The following LRRFIP2 variants were observed in gnomAD, a reference collection of about 807,000 sequenced individuals.
The protein encoded by LRRFIP2 is leucine-rich repeat flightless-interacting protein 2.
Under a neutral mutation model 125.9 loss-of-function variants are expected in LRRFIP2, and 109 were observed. That is an observed-to-expected ratio of 0.87 (90% CI 0.74 to 1.01). The LOEUF (loss-of-function observed/expected upper bound fraction) is 1.01. LRRFIP2 is among the 50% of genes least tolerant of loss of function. LRRFIP2 has a pLI of 0.00. For synonymous variants in LRRFIP2, 291 were observed against 293.1 expected (o/e 0.99, Z 0.07); for missense variants, 850 against 862.3 (o/e 0.99, Z 0.18).
chr3:37,110,206 TCAAAA>T (rs1379630548), intron 9 of LRRFIP2, among the ~76,000 whole-genome samples: 1 of 152,186 alleles, frequency 6.6e-6, no homozygotes, highest in Non-Finnish European at 1.5e-5. Context: ...AACCTGTTCT[TCAAAA>T]CAAGCCATGG....
At chr3:37,054,282 C>T (rs1319018248) in intron 27 of LRRFIP2, 129 bp downstream of exon 27, 164 of 726,938 alleles carry the variant, frequency 2.3e-4, no homozygotes, top group East Asian at 2.6e-5. Context: ...CAAAAACCAA[C>T]ACAAATTAGT....
rs113012823 is a variant in LRRFIP2, at chr3:37,123,170, TTTGTTGTTG to T, written c.229-1488_229-1480del. 3.2e-3 allele frequency among the ~76,000 whole-genome samples: 490 copies of T among 151,034 alleles called. 3 individuals are homozygous for T. Among genetic ancestry groups the T allele is most frequent in the African/African-American group, 0.011 (436 of 40,662 alleles). On this transcript the variant is annotated intron_variant, in intron 4 of 27. Transcript: ENST00000336686. ...TTTAGGAATTCGTCACTGATTTACA[TTTGTTGTTG>T]TTGTTGTTGTTGTTGTTGTTGTTTT... is the stretch of plus-strand genomic sequence containing the variant.
upstream of LRRFIP2, among the ~76,000 whole-genome samples, chr3:37,175,564 G>C (rs1295365887): frequency 6.6e-6 from 1 of 152,106 alleles, no homozygotes; most frequent in Non-Finnish European, 1.5e-5. Flanking sequence ...TGTCAATAAC[G>C]CCTCGTATTA....
chr3:37,164,080 T>C (rs891903618), intron 1 of LRRFIP2, among the ~76,000 whole-genome samples: 13 of 152,150 alleles, frequency 8.5e-5, no homozygotes, highest in Admixed American at 5.2e-4. Flanking sequence ...GATAGATACA[T>C]AGATAGATGA....
intron 14 of LRRFIP2, among the ~76,000 whole-genome samples, chr3:37,104,023 G>A (rs1222990029): frequency 6.6e-6 from 1 of 151,664 alleles, no homozygotes; most frequent in African/African-American, 2.4e-5. Context: ...ACTTCTCAAG[G>A]AAGGGAATTC....
intron 2 of LRRFIP2, among the ~76,000 whole-genome samples, chr3:37,143,281 T>C (rs1265161241): frequency 1.3e-5 from 2 of 152,150 alleles, no homozygotes; most frequent in Admixed American, 1.3e-4. Context: ...CCTAAATACG[T>C]TTTCTTGCTG....
chr3:37,058,689 AAAG>A, intron 25 of LRRFIP2, 98 bp downstream of exon 25: 3 of 1,242,492 alleles, frequency 2.4e-6, no homozygotes, highest in South Asian at 1.4e-5. Flanking sequence ...AAAAAAAAAA[AAAG>A]AAAAGTGTAT....
At chr3:37,101,250 G>A (rs1170963261) in intron 15 of LRRFIP2, among the ~76,000 whole-genome samples, 7 of 151,990 alleles carry the variant, frequency 4.6e-5, no homozygotes, top group East Asian at 1.9e-4. Context: ...CCAGCTACTC[G>A]GGAGGCTGAG....
At chr3:37,167,951 T>C (rs2096532538) in intron 1 of LRRFIP2, among the ~76,000 whole-genome samples, 2 of 152,200 alleles carry the variant, frequency 1.3e-5, no homozygotes, top group South Asian at 4.1e-4. Context: ...ATTCCAGTCT[T>C]GGTGACAGAG....
At chr3:37,113,165 C>T (rs1289178221) in intron 7 of LRRFIP2, among the ~76,000 whole-genome samples, 185 bp from the exon 8 acceptor site, 1 of 152,232 alleles carries the variant, frequency 6.6e-6, no homozygotes, top group Non-Finnish European at 1.5e-5. Flanking sequence ...CCTGGCCTCT[C>T]TACACATCTG....
chr3:37,107,345 AAAAG>A (rs1233897176), intron 13 of LRRFIP2, among the ~76,000 whole-genome samples: 3 of 152,236 alleles, frequency 2.0e-5, no homozygotes, highest in African/African-American at 4.8e-5. Flanking sequence ...TTTTATCAAA[AAAAG>A]AAAGAATGAA....
At chr3:37,086,015 T>C (rs1222877439) in intron 18 of LRRFIP2, among the ~76,000 whole-genome samples, 1 of 152,196 alleles carries the variant, frequency 6.6e-6, no homozygotes, top group Non-Finnish European at 1.5e-5. Context: ...AAACAACTCT[T>C]ACAACTCAAC....
intron 1 of LRRFIP2, among the ~76,000 whole-genome samples, chr3:37,161,310 G>A (rs184863134): frequency 3.5e-4 from 53 of 151,708 alleles, no homozygotes; most frequent in African/African-American, 1.2e-3. Context: ...AGCCAAGATC[G>A]CATCACTGCA....
At chr3:37,134,846 A>G (rs563988786) in intron 2 of LRRFIP2, 1 of 1,089,794 alleles carries the variant, frequency 9.2e-7, no homozygotes, top group East Asian at 2.4e-5. Context: ...GCTCCTTCAA[A>G]CCACCTAAGG....
intron 19 of LRRFIP2, among the ~76,000 whole-genome samples, chr3:37,079,837 A>G (rs1428702173): frequency 6.6e-6 from 1 of 152,220 alleles, no homozygotes; most frequent in Non-Finnish European, 1.5e-5. Flanking sequence ...AAGACCATGT[A>G]TTATATGACT....
At chr3:37,113,306 C>CT (rs559960204) in intron 7 of LRRFIP2, among the ~76,000 whole-genome samples, 308 of 152,062 alleles carry the variant, frequency 2.0e-3, no homozygotes, top group Non-Finnish European at 2.6e-3. Context: ...CCTCTGACTT[C>CT]TTTTTTTTCT....
At chr3:37,081,892 G>GAAAAA (rs67658865) in intron 19 of LRRFIP2, among the ~76,000 whole-genome samples, 2 of 68,340 alleles carry the variant, frequency 2.9e-5, no homozygotes, top group Admixed American at 1.8e-4. Flanking sequence ...GTCTCCAAAA[G>GAAAAA]AAAAAAAAAA....
intron 1 of LRRFIP2, among the ~76,000 whole-genome samples, chr3:37,170,126 A>G (rs1034131643): frequency 2.0e-5 from 3 of 152,212 alleles, no homozygotes; most frequent in Non-Finnish European, 4.4e-5. Context: ...ACAGCTGCAA[A>G]TAACTGAAGG....
intron 2 of LRRFIP2, among the ~76,000 whole-genome samples, chr3:37,141,978 T>A (rs889703262): frequency 1.3e-5 from 2 of 152,136 alleles, no homozygotes; most frequent in African/African-American, 4.8e-5. Flanking sequence ...ATTTTTATCA[T>A]CCAGATCTAG....
Sources: gnomAD v4.1 joint callset for allele counts (sites outside exome capture counted in the v4.1 genomes callset) on GRCh38, gnomAD v4.1.1 for gene constraint, MANE v1.5 for transcripts, NCBI Gene and HGNC (gene_info 2026-07-23, HGNC 2026-07-21) for gene names.